Variants in PIGF observed in about 807,000 individuals in gnomAD.
The protein encoded by PIGF is phosphatidylinositol glycan anchor biosynthesis class F, also known as GPI ethanolamine phosphate transferase, stabilizing subunit.
In PIGF, 23 loss-of-function variants were observed where a neutral mutation model predicts 26.0. The observed-to-expected ratio is 0.88, with a 90% CI of 0.64 to 1.25. PIGF has a LOEUF of 1.25. Among genes scored for constraint, PIGF ranks in the 50% most tolerant of loss-of-function variants. The pLI is 0.00. For synonymous variants in PIGF, 93 were observed against 92.6 expected (o/e 1.00, Z -0.03); for missense variants, 278 against 249.9 (o/e 1.11, Z -0.76).
At chr2:46,605,931 G>C (rs901318660) in intron 4 of PIGF, among the ~76,000 whole-genome samples, 6 of 152,142 alleles carry the variant, frequency 3.9e-5, no homozygotes, top group African/African-American at 1.4e-4. Context: ...CATGTGCTAT[G>C]TGATATTATA....
intron 5 of PIGF, among the ~76,000 whole-genome samples, chr2:46,587,731 G>A (rs1669621411): frequency 1.3e-5 from 2 of 152,062 alleles, no homozygotes; most frequent in African/African-American, 2.4e-5. Flanking sequence ...ATTTGTTAGG[G>A]ACAAAATCAT....
At chr2:46,594,591 A>G (rs1669823721) in intron 4 of PIGF, among the ~76,000 whole-genome samples, 1 of 150,978 alleles carries the variant, frequency 6.6e-6, no homozygotes, top group Non-Finnish European at 1.5e-5. Flanking sequence ...GCTGGAGTGT[A>G]ATAGAGTGAT....
chr2:46,612,359 A>G lies in PIGF; in HGVS notation c.321-15T>C, dbSNP rs1031127699. On this transcript the variant is annotated splice_polypyrimidine_tract_variant and intron_variant, in intron 3 of 5. Coordinates refer to ENST00000281382, the MANE Select transcript of PIGF (RefSeq NM_002643.4). ...CCAATGCCAACCTAGAAAAAAAAAA[A>G]GATTACTTTTTAAAAAAGTGTTAAA... 2 of 985,272 alleles carry G rather than the reference A, an allele frequency of 2.0e-6. No individual in the cohort carries two copies. Among genetic ancestry groups the G allele is most frequent in the Non-Finnish European group, 3.0e-6 (2 of 667,568 alleles). The allele number at this position is 985,272 out of a possible 1,614,324, so 61.0% of individuals were successfully genotyped here.
chr2:46,603,282 T>G (rs1467480576), intron 4 of PIGF, among the ~76,000 whole-genome samples: 1 of 152,208 alleles, frequency 6.6e-6, no homozygotes, highest in East Asian at 1.9e-4. Context: ...ATGTCCATAC[T>G]ACCCAAAGCA....
intron 4 of PIGF, among the ~76,000 whole-genome samples, chr2:46,597,255 T>C (rs1331015570): frequency 2.0e-5 from 3 of 152,162 alleles, no homozygotes; most frequent in Admixed American, 6.6e-5. Flanking sequence ...CCTCTTTCAA[T>C]AGATTCCTGA....
intron 5 of PIGF, among the ~76,000 whole-genome samples, chr2:46,586,003 T>C (rs912900659): frequency 2.0e-5 from 3 of 152,192 alleles, no homozygotes; most frequent in African/African-American, 7.2e-5. Context: ...CTCGATCTCC[T>C]GACCTCGTGA....
chr2:46,588,247 C>G lies in PIGF; in HGVS notation c.546+4228G>C, dbSNP rs1669637043. On this transcript the variant is annotated intron_variant, in intron 5 of 5. Transcript: ENST00000281382. This position sits in a 1 kb window ranked among gnomAD's most constrained non-coding sequence, Gnocchi z 4.1. ...ACCCTAAATTGGCATAACTAAATAC[C>G]AGAGAAATAGATAAATTAACAGTCC... 7.6e-6 allele frequency: 12 copies of G among 1,579,406 alleles called. No individual in the cohort carries two copies. Among genetic ancestry groups the G allele is most frequent in the Non-Finnish European group, 1.0e-5 (12 of 1,164,860 alleles).
Position 46,588,321 on chromosome 2 carries a change from T to G in PIGF, c.546+4154A>C, listed in dbSNP as rs1669640329. 1 of 1,075,086 alleles carries G rather than the reference T, an allele frequency of 9.3e-7. No individual in the cohort carries two copies. Among genetic ancestry groups the G allele is most frequent in the Admixed American group, 2.7e-5 (1 of 37,108 alleles). 66.6% of individuals were successfully genotyped at this position (1,075,086 alleles called of 1,614,324 possible). ...GGGCAGAAAAAATAAAACAACAAAC[T>G]GAGACAATTAACATATTCTCTAATA... On this transcript the variant is annotated intron_variant, in intron 5 of 5. Transcript: ENST00000281382. The surrounding 1 kb of genome is among the most constrained non-coding windows in gnomAD (Gnocchi z 4.1).
Position 46,610,361 on chromosome 2 carries a change from C to T in PIGF, c.437+1867G>A, listed in dbSNP as rs558643522. Among the ~76,000 whole-genome samples the T allele has an allele frequency of 6.6e-5, 10 of 152,180 alleles. No homozygotes were observed. In the East Asian group the frequency reaches 1.9e-3, roughly 29 times the overall value. Reference sequence around the variant, plus strand: ...TAATCCAAAGTAATAAGATTTCAATCCAATTTCACTATTTAAAAATTTCAA... The same window carrying T: ...TAATCCAAAGTAATAAGATTTCAATTCAATTTCACTATTTAAAAATTTCAA... On this transcript the variant is annotated intron_variant, in intron 4 of 5. Transcript: ENST00000281382.
At chr2:46,610,761 C>A (rs1320598039) in intron 4 of PIGF, among the ~76,000 whole-genome samples, 1 of 152,016 alleles carries the variant, frequency 6.6e-6, no homozygotes, top group East Asian at 1.9e-4. Context: ...AACTCCTGAC[C>A]TCAGGTGATC....
chr2:46,614,538 C>A (rs903379073), intron 2 of PIGF: 2 of 157,732 alleles, frequency 1.3e-5, no homozygotes, highest in Non-Finnish European at 2.8e-5. Flanking sequence ...CAAGCATTAC[C>A]ACAGGCTTAT....
At chr2:46,611,299 T>C (rs1306103362) in intron 4 of PIGF, among the ~76,000 whole-genome samples, 1 of 151,540 alleles carries the variant, frequency 6.6e-6, no homozygotes, top group African/African-American at 2.4e-5. Context: ...TCCTGGCCAG[T>C]GTGGTGAAAC....
chr2:46,589,632 A>G lies in PIGF; in HGVS notation c.546+2843T>C, dbSNP rs1669670151. 6.6e-6 allele frequency among the ~76,000 whole-genome samples: 1 copy of G among 151,998 alleles called. No homozygotes were observed. Among genetic ancestry groups the G allele is most frequent in the African/African-American group, 2.4e-5 (1 of 41,428 alleles). Reference sequence around the variant, plus strand: ...TTTACCACAAGCAGATCAAATCGGTATTGGGCTACAAGGAACACAGAACAA... The same window carrying G: ...TTTACCACAAGCAGATCAAATCGGTGTTGGGCTACAAGGAACACAGAACAA... On this transcript the variant is annotated intron_variant, in intron 5 of 5. Coordinates refer to ENST00000281382, the MANE Select transcript of PIGF (RefSeq NM_002643.4). This position sits in a 1 kb window ranked among gnomAD's most constrained non-coding sequence, Gnocchi z 4.7.
rs143315852 is a variant in PIGF, at chr2:46,604,528, T to C, written c.437+7700A>G. 3.7e-4 allele frequency among the ~76,000 whole-genome samples: 56 copies of C among 151,574 alleles called. 1 individual carries two copies. The highest frequency in any genetic ancestry group is 1.4e-3 in the African/African-American group (56 of 41,372). On this transcript the variant is annotated intron_variant, in intron 4 of 5. Coordinates refer to ENST00000281382, the MANE Select transcript of PIGF (RefSeq NM_002643.4). ...CATGCAGTGGAGTACCACTTGGCCA[T>C]TAAAAAAAGAATGAGTTCCTGCCAT...
At position 46,614,927 on chromosome 2, in the gene PIGF, T is replaced by A; in HGVS notation, c.228+10A>T. ...CATCCAAAAATCAGTTATTGAGACATAAGCCTTACCTTGTGTGATAATGAA... is the reference window on the plus strand; with the variant it reads ...CATCCAAAAATCAGTTATTGAGACAAAAGCCTTACCTTGTGTGATAATGAA... On this transcript the variant is annotated intron_variant, in intron 2 of 5. Coordinates refer to ENST00000281382, the MANE Select transcript of PIGF (RefSeq NM_002643.4). The A allele has an allele frequency of 8.0e-7, 1 of 1,256,946 alleles. No individual in the cohort carries two copies. The highest frequency in any genetic ancestry group is 1.2e-6 in the Non-Finnish European group (1 of 856,240). The allele number at this position is 1,256,946 out of a possible 1,614,324, so 77.9% of individuals were successfully genotyped here.
At chr2:46,604,680 G>T (rs954432836) in intron 4 of PIGF, among the ~76,000 whole-genome samples, 1 of 151,926 alleles carries the variant, frequency 6.6e-6, no homozygotes, top group South Asian at 2.1e-4. Flanking sequence ...CATGGAGATA[G>T]AGAGTAGAAG....
At position 46,612,318 on chromosome 2, in the gene PIGF, G is replaced by T; in HGVS notation, c.347C>A (p.Ala116Glu). The change falls in exon 4 of 6, where the codon GCA (alanine) becomes GAA (glutamate). Residue 116 changes from alanine to glutamate, a missense_variant. Physicochemically the swap from Ala to Glu is moderately radical, Grantham distance 107. Coordinates refer to ENST00000281382, the MANE Select transcript of PIGF (RefSeq NM_002643.4). ...IELALETFLFAVILSTFTTVP... is the reference protein window; with the variant it reads ...IELALETFLFEVILSTFTTVP... ...AGTAGTAAAAGTAGACAAAATAACT[G>T]CAAATAAAAATGTTTCCAATGCCAA... The T allele has an allele frequency of 6.9e-7, 1 of 1,445,164 alleles. No homozygotes were observed. The highest frequency in any genetic ancestry group is 1.4e-5 in the South Asian group (1 of 69,024). 89.5% of individuals were successfully genotyped at this position (1,445,164 alleles called of 1,614,324 possible). A position where few individuals can be genotyped will look rare whatever the true frequency, so the allele number is the denominator to read the frequency against.
At chr2:46,595,730 G>A (rs1031391612) in intron 4 of PIGF, among the ~76,000 whole-genome samples, 6 of 152,150 alleles carry the variant, frequency 3.9e-5, no homozygotes, top group Non-Finnish European at 8.8e-5. Flanking sequence ...AGCAGTGTAT[G>A]AGGATTCCAA....
chr2:46,598,268 C>T (rs1669950284), intron 4 of PIGF, among the ~76,000 whole-genome samples: 1 of 151,584 alleles, frequency 6.6e-6, no homozygotes, highest in South Asian at 2.1e-4. Context: ...TTATATACTG[C>T]CTCTATTTCC....
Sources: gnomAD v4.1 joint callset for allele counts (sites outside exome capture counted in the v4.1 genomes callset) on GRCh38, gnomAD v4.1.1 for gene constraint, Gnocchi (gnomAD v3.1) non-coding constraint, MANE v1.5 for transcripts, NCBI Gene and HGNC (gene_info 2026-07-23, HGNC 2026-07-21) for gene names.